EBF2: variants seen among roughly 807,000 people sequenced by gnomAD.
EBF2 encodes the protein EBF transcription factor 2, also known as transcription factor COE2.
Under a neutral mutation model 72.8 loss-of-function variants are expected in EBF2, and 21 were observed. The ratio of observed to expected loss-of-function variants is 0.29; its 90% CI spans 0.20 to 0.42. EBF2 has a LOEUF of 0.42. EBF2 is among the 10% of genes least tolerant of loss of function. The pLI is 1.00. For missense variants in EBF2, 637 were observed against 731.2 expected (o/e 0.87, Z 1.49); for synonymous variants, 299 against 274.2 (o/e 1.09, Z -0.89).
intron 10 of EBF2, among the ~76,000 whole-genome samples, chr8:25,870,807 T>G (rs2117273109): frequency 6.6e-6 from 1 of 152,156 alleles, no homozygotes; most frequent in South Asian, 2.1e-4. Flanking sequence ...TTGTCTATTT[T>G]TATGTTGTTT....
chr8:25,978,049 G>A (rs975730435), intron 6 of EBF2, among the ~76,000 whole-genome samples: 8 of 152,090 alleles, frequency 5.3e-5, no homozygotes, highest in African/African-American at 1.9e-4. Context: ...GATCAACTGT[G>A]GTCACAGGCT....
At chr8:25,985,437 T>C (rs73675762) in intron 6 of EBF2, among the ~76,000 whole-genome samples, 2,518 of 152,220 alleles carry the variant, frequency 0.017, 77 homozygotes, top group African/African-American at 0.058. Context: ...TCAGCCTCGC[T>C]CTAATGACGA....
At chr8:25,955,251 G>T (rs1374008902) in intron 6 of EBF2, among the ~76,000 whole-genome samples, 1 of 152,174 alleles carries the variant, frequency 6.6e-6, no homozygotes, top group African/African-American at 2.4e-5. Context: ...TTAAACAGAG[G>T]GTCAAGTTTG....
chr8:25,970,271 G>GT (rs1176390179), intron 6 of EBF2, among the ~76,000 whole-genome samples: 1 of 152,154 alleles, frequency 6.6e-6, no homozygotes, highest in East Asian at 1.9e-4. Context: ...GTACCAAAGC[G>GT]TAAGTGAAAG....
chr8:26,030,718 C>T (rs560351935), intron 6 of EBF2, among the ~76,000 whole-genome samples: 2 of 152,218 alleles, frequency 1.3e-5, no homozygotes, highest in East Asian at 1.9e-4. Context: ...TCGGAAGTAA[C>T]GCACATTTCA....
At chr8:26,013,722 A>G (rs1805064423) in intron 6 of EBF2, among the ~76,000 whole-genome samples, 1 of 152,166 alleles carries the variant, frequency 6.6e-6, no homozygotes, top group South Asian at 2.1e-4. Flanking sequence ...GCAAGACACA[A>G]CAAGATGACT....
At chr8:25,904,421 T>C (rs1385503273) in intron 7 of EBF2, among the ~76,000 whole-genome samples, 1 of 150,786 alleles carries the variant, frequency 6.6e-6, no homozygotes, top group African/African-American at 2.4e-5. Context: ...GAATCCAGGT[T>C]CCACCAGTGT....
chr8:25,942,522 G>A (rs944625608), intron 6 of EBF2, among the ~76,000 whole-genome samples: 5 of 152,180 alleles, frequency 3.3e-5, no homozygotes, highest in Non-Finnish European at 5.9e-5. Context: ...TCCCCCTTAT[G>A]GAGAGGCTCC....
At chr8:26,019,103 C>T (rs948773795) in intron 6 of EBF2, among the ~76,000 whole-genome samples, 6 of 152,122 alleles carry the variant, frequency 3.9e-5, no homozygotes, top group African/African-American at 1.4e-4. Flanking sequence ...TGCCTTCAGG[C>T]CAAGGTTTCT....
chr8:25,877,107 T>G (rs931091963), intron 10 of EBF2, among the ~76,000 whole-genome samples: 1 of 152,316 alleles, frequency 6.6e-6, no homozygotes, highest in Admixed American at 6.5e-5. Flanking sequence ...ATTCTGTGGT[T>G]GGTGCAGATT....
intron 6 of EBF2, among the ~76,000 whole-genome samples, chr8:26,028,796 A>C (rs754226543): frequency 6.6e-6 from 1 of 152,182 alleles, no homozygotes; most frequent in Non-Finnish European, 1.5e-5. Context: ...CCACAGTAAG[A>C]ATGATGTTTC....
intron 10 of EBF2, among the ~76,000 whole-genome samples, chr8:25,884,812 A>G (rs1473283256): frequency 2.0e-5 from 3 of 152,196 alleles, no homozygotes; most frequent in African/African-American, 7.2e-5. Context: ...CAGAAAATTC[A>G]AAGGCTAAAT....
chr8:25,940,111 C>A (rs11989071), intron 6 of EBF2, among the ~76,000 whole-genome samples: 131,805 of 152,224 alleles, frequency 0.87, 57,208 homozygotes, highest in African/African-American at 0.91. Context: ...AAACACTTGG[C>A]AATATCATGA....
chr8:26,019,746 T>C (rs1178980115), intron 6 of EBF2, among the ~76,000 whole-genome samples: 1 of 152,192 alleles, frequency 6.6e-6, no homozygotes, highest in Non-Finnish European at 1.5e-5. Context: ...GAGAGCAACT[T>C]GTCTGTCTCT....
chr8:25,917,198 G>GT (rs1375771411), intron 6 of EBF2, among the ~76,000 whole-genome samples: 4 of 96,164 alleles, frequency 4.2e-5, no homozygotes, highest in East Asian at 3.9e-4. Context: ...TGTGGTTTGG[G>GT]GTTTTTTTTT....
chr8:25,985,032 TA>T (rs1804426522), intron 6 of EBF2, among the ~76,000 whole-genome samples: 2 of 152,132 alleles, frequency 1.3e-5, no homozygotes, highest in Non-Finnish European at 2.9e-5. Flanking sequence ...ACTCTGCTCT[TA>T]AGGGAGACAG....
chr8:25,880,955 C>T (rs1802596550), intron 10 of EBF2, among the ~76,000 whole-genome samples: 1 of 152,032 alleles, frequency 6.6e-6, no homozygotes, highest in South Asian at 2.1e-4. Flanking sequence ...AGTGTCGTCC[C>T]CTCCTTCCCC....
At chr8:25,941,658 T>C (rs1803673492) in intron 6 of EBF2, among the ~76,000 whole-genome samples, 1 of 152,074 alleles carries the variant, frequency 6.6e-6, no homozygotes, top group African/African-American at 2.4e-5. Flanking sequence ...TGCCCTAAGC[T>C]ACGGAGGAGT....
intron 10 of EBF2, among the ~76,000 whole-genome samples, chr8:25,876,655 C>G (rs1055574256): frequency 8.5e-5 from 13 of 152,262 alleles, no homozygotes; most frequent in African/African-American, 2.4e-4. Context: ...CAAGACCAAA[C>G]AGATGGCCTT....
Sources: allele counts gnomAD v4.1 joint callset (sites outside exome capture counted in the v4.1 genomes callset), GRCh38; gene constraint gnomAD v4.1.1; transcripts MANE v1.5; gene names NCBI Gene and HGNC (gene_info 2026-07-23, HGNC 2026-07-21).